Variants in CSTPP1 observed in about 807,000 individuals in gnomAD.
CSTPP1 encodes the protein UPF0705 protein C11orf49.
At chr11:47,085,201 TCAAA>T in the CSTPP1 span, among the ~76,000 whole-genome samples, 17 of 151,974 alleles carry the variant, frequency 1.1e-4, no homozygotes, top group East Asian at 1.9e-4. Flanking sequence ...AGACTCCATC[TCAAA>T]CAAACAAACA....
chr11:47,010,711 G>A, the CSTPP1 span, among the ~76,000 whole-genome samples: 33 of 152,180 alleles, frequency 2.2e-4, no homozygotes, highest in Non-Finnish European at 3.5e-4. Flanking sequence ...TTAGTTACCA[G>A]ATGAAACTGA....
At chr11:47,052,566 T>TCTTC in the CSTPP1 span, 43 of 1,562,734 alleles carry the variant, frequency 2.8e-5, no homozygotes, top group African/African-American at 3.0e-4. Flanking sequence ...TTCCTTCCTT[T>TCTTC]CTTCCTTCCT....
the CSTPP1 span, among the ~76,000 whole-genome samples, chr11:47,049,692 A>G: frequency 6.6e-6 from 1 of 151,730 alleles, no homozygotes; most frequent in African/African-American, 2.4e-5. Context: ...ATGGGGTCTC[A>G]CCATATTGCC....
the CSTPP1 span, among the ~76,000 whole-genome samples, chr11:46,993,783 C>T: frequency 6.6e-6 from 1 of 152,026 alleles, no homozygotes; most frequent in African/African-American, 2.4e-5. Flanking sequence ...TCCATATGTA[C>T]TTTAAAGTAG....
At chr11:46,942,199 C>G in the CSTPP1 span, among the ~76,000 whole-genome samples, 6 of 152,070 alleles carry the variant, frequency 3.9e-5, no homozygotes, top group Non-Finnish European at 8.8e-5. Context: ...AATGCCTAGG[C>G]CTGAAGAGAG....
At chr11:47,022,734 CTAA>C in the CSTPP1 span, among the ~76,000 whole-genome samples, 1 of 152,094 alleles carries the variant, frequency 6.6e-6, no homozygotes, top group Non-Finnish European at 1.5e-5. Context: ...TTTTCTAAGA[CTAA>C]TATTTTTAGA....
chr11:47,052,631 A>G, the CSTPP1 span: 2 of 1,381,328 alleles, frequency 1.4e-6, no homozygotes, highest in Non-Finnish European at 1.9e-6. Flanking sequence ...TTCTCTTTCA[A>G]ACTTTTTCTT....
At chr11:47,078,832 A>G in the CSTPP1 span, among the ~76,000 whole-genome samples, 1 of 152,210 alleles carries the variant, frequency 6.6e-6, no homozygotes, top group Non-Finnish European at 1.5e-5. Context: ...ATCTGAAGGC[A>G]TGTGATGCCA....
the CSTPP1 span, among the ~76,000 whole-genome samples, chr11:46,991,196 GT>G: frequency 0.71 from 96,241 of 136,158 alleles, 33,738 homozygotes; most frequent in Middle Eastern, 0.75. Flanking sequence ...CTTGAACATA[GT>G]TTTTTTTTTT....
the CSTPP1 span, among the ~76,000 whole-genome samples, chr11:47,046,660 C>CTTTTTTTTTTTTTTT: frequency 2.8e-4 from 22 of 79,736 alleles, no homozygotes; most frequent in Non-Finnish European, 3.5e-4. Context: ...ATCTTCTTTT[C>CTTTTTTTTTTTTTTT]TTTTTTTTTT....
chr11:47,115,474 T>A, the CSTPP1 span, among the ~76,000 whole-genome samples: 1 of 152,212 alleles, frequency 6.6e-6, no homozygotes, highest in South Asian at 2.1e-4. Context: ...GGTAGGCTAT[T>A]AATTATTTCC....
the CSTPP1 span, among the ~76,000 whole-genome samples, chr11:47,108,011 G>A: frequency 2.0e-5 from 3 of 152,226 alleles, no homozygotes; most frequent in East Asian, 1.9e-4. Flanking sequence ...ACACACAGAC[G>A]CTCAAAACCA....
chr11:47,155,107 T>C, the CSTPP1 span: 1 of 1,124,934 alleles, frequency 8.9e-7, no homozygotes. Flanking sequence ...TTCCTCCCTC[T>C]CCCTCTCTCC....
the CSTPP1 span, chr11:47,156,968 C>T: frequency 1.3e-6 from 2 of 1,578,376 alleles, no homozygotes; most frequent in South Asian, 2.3e-5. Flanking sequence ...ACAGACAAAA[C>T]ATGTCCTCCC....
the CSTPP1 span, chr11:47,052,490 A>T: frequency 6.2e-7 from 1 of 1,613,932 alleles, no homozygotes; most frequent in Non-Finnish European, 8.5e-7. Flanking sequence ...CCTTCTGGAG[A>T]TGCTTCCGAA....
At chr11:47,014,394 AAGAG>A in the CSTPP1 span, among the ~76,000 whole-genome samples, 1 of 151,674 alleles carries the variant, frequency 6.6e-6, no homozygotes, top group African/African-American at 2.4e-5. Flanking sequence ...AGAAAAAAAA[AAGAG>A]AGAAAGGAAA....
At chr11:47,157,213 G>C in the CSTPP1 span, 22 of 1,577,046 alleles carry the variant, frequency 1.4e-5, no homozygotes, top group Non-Finnish European at 1.7e-5. Flanking sequence ...ATCGGCACAA[G>C]TACAGGTGAG....
At chr11:47,161,181 T>A in the CSTPP1 span, 1 of 1,614,228 alleles carries the variant, frequency 6.2e-7, no homozygotes, top group Non-Finnish European at 8.5e-7. Context: ...GATGAAGAGC[T>A]GGAACGGCTG....
chr11:46,945,957 T>C, the CSTPP1 span, among the ~76,000 whole-genome samples: 3 of 152,210 alleles, frequency 2.0e-5, no homozygotes, highest in East Asian at 3.8e-4. Context: ...GCAGTTCCCT[T>C]GGTAGCCTAG....
Sources: allele counts gnomAD v4.1 joint callset (sites outside exome capture counted in the v4.1 genomes callset), GRCh38; gene constraint gnomAD v4.1.1; transcripts MANE v1.5; gene names NCBI Gene and HGNC (gene_info 2026-07-23, HGNC 2026-07-21).